Variants in SLC4A7 observed in about 807,000 individuals in gnomAD.
SLC4A7 encodes the protein sodium bicarbonate cotransporter 3.
Under a neutral mutation model 137.6 loss-of-function variants are expected in SLC4A7, and 51 were observed. That is an observed-to-expected ratio of 0.37 (90% CI 0.30 to 0.47). SLC4A7 has a LOEUF of 0.47. Among genes scored for constraint, SLC4A7 ranks in the 20% least tolerant of loss-of-function variants. The pLI is 1.00. For missense variants in SLC4A7, 1,247 were observed against 1,525.4 expected (o/e 0.82, Z 3.04); for synonymous variants, 542 against 518.6 (o/e 1.05, Z -0.61).
chr3:27,421,545 G>T, intron 9 of SLC4A7, 77 bp downstream of exon 9: 1 of 1,085,556 alleles, frequency 9.2e-7, no homozygotes, highest in Non-Finnish European at 1.3e-6. Context: ...AAATCAACAT[G>T]CTTGTTCATT....
At chr3:27,390,511 G>A (rs879007446) in intron 21 of SLC4A7, among the ~76,000 whole-genome samples, 6 of 152,170 alleles carry the variant, frequency 3.9e-5, no homozygotes, top group Non-Finnish European at 8.8e-5. Flanking sequence ...AATAACTTGA[G>A]ATAACAATTA....
Position 27,436,393 on chromosome 3 carries a change from A to G in SLC4A7, c.584T>C (p.Ile195Thr), listed in dbSNP as rs961787676. ...AAAAGTCAGTTTACTATAACCTGCT[A>G]TTTCATCTAGAGTGCTTGCTCTCAT... ...LDMRASTLDE[I>T]ADMVLDNMIA... is the part of the protein sequence containing the mutation. Residue 195 changes from isoleucine to threonine, a missense_variant, in exon 5 of 26, where the codon ATA becomes ACA. Around this residue, in one of 6 missense-constraint regions of SLC4A7, gnomAD observed 223 missense variants for 203.6 expected, o/e 1.10. Coordinates refer to ENST00000454389, the MANE Select transcript of SLC4A7 (RefSeq NM_001321103.2). The G allele has an allele frequency of 4.4e-6, 7 of 1,608,522 alleles. No individual in the cohort carries two copies. The highest frequency in any genetic ancestry group is 5.9e-6 in the Non-Finnish European group (7 of 1,177,546).
At chr3:27,392,974 A>G (rs1184356113) in intron 20 of SLC4A7, among the ~76,000 whole-genome samples, 1 of 152,200 alleles carries the variant, frequency 6.6e-6, no homozygotes, top group Non-Finnish European at 1.5e-5. Flanking sequence ...TGAAAAAAGG[A>G]GAAAATTTTC....
chr3:27,413,435 T>A (rs967315413), intron 11 of SLC4A7, among the ~76,000 whole-genome samples: 4 of 152,124 alleles, frequency 2.6e-5, no homozygotes, highest in Admixed American at 6.5e-5. Context: ...TATATTGATG[T>A]GAAGTATAAA....
At chr3:27,410,422 T>C (rs998658991) in intron 12 of SLC4A7, among the ~76,000 whole-genome samples, 9 of 152,098 alleles carry the variant, frequency 5.9e-5, no homozygotes, top group Non-Finnish European at 1.0e-4. Context: ...TGCAAGAAAA[T>C]TGACCAAAAA....
Position 27,425,644 on chromosome 3 carries a change from C to G in SLC4A7, c.1151-1492G>C, listed in dbSNP as rs1423384665. 5.3e-5 allele frequency among the ~76,000 whole-genome samples: 7 copies of G among 133,082 alleles called. No individual in the cohort carries two copies. In the Admixed American group the frequency reaches 6.0e-4, roughly 11 times the overall value. 87.3% of individuals were successfully genotyped at this position (133,082 alleles called of 152,430 possible). ...TGAGCCAAGATTGCACCATTGCACT[C>G]CAGCCTGGGCAACAAGAGCAAAACT... On this transcript the variant is annotated intron_variant, in intron 7 of 25. Transcript: ENST00000454389.
intron 1 of SLC4A7, among the ~76,000 whole-genome samples, chr3:27,459,039 G>C (rs2058557503): frequency 6.6e-6 from 1 of 152,112 alleles, no homozygotes; most frequent in South Asian, 2.1e-4. Flanking sequence ...ATGACCTCTT[G>C]AAACATACTT....
chr3:27,483,462 G>A (rs1490696565), intron 1 of SLC4A7, among the ~76,000 whole-genome samples: 1 of 152,222 alleles, frequency 6.6e-6, no homozygotes, highest in East Asian at 1.9e-4. Context: ...GCAGGCAACA[G>A]CGAAAGAGCC....
Position 27,385,884 on chromosome 3 carries a change from C to A in SLC4A7, c.3492+8G>T, listed in dbSNP as rs771091324. 35 of 1,523,924 alleles carry A rather than the reference C, an allele frequency of 2.3e-5. No homozygotes were observed. Among genetic ancestry groups the A allele is most frequent in the Non-Finnish European group, 3.2e-5 (35 of 1,109,126 alleles). 94.4% of individuals were successfully genotyped at this position (1,523,924 alleles called of 1,614,324 possible). On this transcript the variant is annotated splice_region_variant and intron_variant, in intron 23 of 25. Transcript: ENST00000454389. Reference sequence around the variant, plus strand: ...AGTGGTGTAAGTTTAAAATTGTTATCTTTTTACCTCTTTCTCTTTTTTCTT... The same window carrying A: ...AGTGGTGTAAGTTTAAAATTGTTATATTTTTACCTCTTTCTCTTTTTTCTT...
chr3:27,409,677 G>C, intron 12 of SLC4A7, 147 bp from the exon 13 acceptor site: 1 of 578,322 alleles, frequency 1.7e-6, no homozygotes, highest in African/African-American at 1.9e-5. Flanking sequence ...AATTACAGAA[G>C]ATACACTCAT....
rs754190971 is a variant in SLC4A7, at chr3:27,431,669, C to G, written c.779G>C (p.Gly260Ala). 1.4e-5 allele frequency: 21 copies of G among 1,532,242 alleles called. No homozygotes were observed. The highest frequency in any genetic ancestry group is 1.8e-5 in the Non-Finnish European group (20 of 1,140,472). 94.9% of individuals were successfully genotyped at this position (1,532,242 alleles called of 1,614,324 possible). ...HSDPHLLERN[G>A]EGLSASRHSL... ...GTGGCGGGAGGCTGAAAGGCCTTCC[C>G]CTGAGATAAAACAAATAAATGAAAA... The change falls in exon 7 of 26, where the codon GGG becomes GCG. Residue 260 changes from glycine (G) to alanine (A), a missense_variant and splice_region_variant. By Grantham distance (60) the Gly-to-Ala change is moderately conservative (BLOSUM62 0). Around this residue, in one of 6 missense-constraint regions of SLC4A7, gnomAD observed 223 missense variants for 203.6 expected, o/e 1.10. Coordinates refer to ENST00000454389, the MANE Select transcript of SLC4A7 (RefSeq NM_001321103.2).
chr3:27,418,051 T>G (rs2054565244), intron 11 of SLC4A7, among the ~76,000 whole-genome samples: 1 of 152,126 alleles, frequency 6.6e-6, no homozygotes, highest in Non-Finnish European at 1.5e-5. Flanking sequence ...TTGTCATGCA[T>G]GGTTTGAAAT....
At chr3:27,420,932 A>T (rs2054902353) in intron 9 of SLC4A7, 145 bp from the exon 10 acceptor site, 1 of 527,424 alleles carries the variant, frequency 1.9e-6, no homozygotes, top group Non-Finnish European at 3.3e-6. Flanking sequence ...TCACTGAAAA[A>T]AGATGGCAAC....
chr3:27,376,922 TACTA>T lies in SLC4A7; in HGVS notation c.3699-81_3699-78del, dbSNP rs2049945982. The stretch of plus-strand genomic sequence containing the variant: ...TTCTAAACATGGCTAACAATGAGTA[TACTA>T]AACCTTCTGAGATTACTATTAACAC... On this transcript the variant is annotated intron_variant, in intron 25 of 25. Transcript: ENST00000454389. The T allele has an allele frequency of 4.8e-6, 3 of 621,292 alleles. No homozygotes were observed. The Admixed American group carries it at 1.1e-4, about 23-fold the overall frequency. The allele number at this position is 621,292 out of a possible 1,614,324, so 38.5% of individuals were successfully genotyped here. A position where few individuals can be genotyped will look rare whatever the true frequency, so the allele number is the denominator to read the frequency against.
chr3:27,404,874 T>C lies in SLC4A7; in HGVS notation c.2031A>G (p.Thr677=). The change falls in exon 14 of 26, where the codon ACA becomes ACG. Residue 677 remains threonine, a synonymous_variant. Coordinates refer to ENST00000454389, the MANE Select transcript of SLC4A7 (RefSeq NM_001321103.2). ...TTTTTTCAAACACTAGAACTGGACC[T>C]GTGCTCCCCAATATTGTTAGAGGTT... ...AGQPLTILGS[T]GPVLVFEKIL... is the part of the protein sequence containing the mutation. 2.5e-6 allele frequency: 4 copies of C among 1,610,854 alleles called. No individual in the cohort carries two copies. The highest frequency in any genetic ancestry group is 3.4e-6 in the Non-Finnish European group (4 of 1,178,816).
chr3:27,418,749 A>T, intron 10 of SLC4A7, 117 bp from the exon 11 acceptor site: 2 of 627,806 alleles, frequency 3.2e-6, no homozygotes, highest in Non-Finnish European at 5.4e-6. Context: ...CTAAACTCTT[A>T]TCTCAGGCAG....
At chr3:27,427,924 A>C (rs2055825177) in intron 7 of SLC4A7, among the ~76,000 whole-genome samples, 1 of 152,214 alleles carries the variant, frequency 6.6e-6, no homozygotes, top group Non-Finnish European at 1.5e-5. Context: ...ACACGGCCTA[A>C]GAAGCCAATG....
intron 2 of SLC4A7, among the ~76,000 whole-genome samples, chr3:27,450,045 CA>C (rs1180684077): frequency 6.6e-6 from 1 of 152,118 alleles, no homozygotes; most frequent in African/African-American, 2.4e-5. Context: ...AGGCACAGAG[CA>C]GCATAAAATT....
intron 18 of SLC4A7, among the ~76,000 whole-genome samples, chr3:27,395,380 T>C (rs73149794): frequency 0.056 from 8,552 of 152,244 alleles, 807 homozygotes; most frequent in African/African-American, 0.19. Flanking sequence ...GATGACCCTG[T>C]GACTTACTTT....
Sources: gnomAD v4.1 joint callset for allele counts (sites outside exome capture counted in the v4.1 genomes callset) on GRCh38, gnomAD v4.1.1 for gene constraint, gnomAD v4.1.1 regional missense constraint, MANE v1.5 for transcripts, NCBI Gene and HGNC (gene_info 2026-07-23, HGNC 2026-07-21) for gene names.